Variants in OTOGL observed in about 807,000 individuals in gnomAD.
The protein encoded by OTOGL is otogelin like, also known as otogelin-like protein.
OTOGL carries 285 observed loss-of-function variants against 318.5 expected under a neutral mutation model. The ratio of observed to expected loss-of-function variants is 0.89; its 90% CI spans 0.81 to 0.99. OTOGL has a LOEUF of 0.99. Among genes scored for constraint, OTOGL ranks in the 50% least tolerant of loss-of-function variants. OTOGL has a pLI of 0.00. For missense variants in OTOGL, 2,899 were observed against 2,845.6 expected (o/e 1.02, Z -0.43); for synonymous variants, 987 against 936.5 (o/e 1.05, Z -0.99).
At chr12:80,352,585 T>C in intron 45 of OTOGL, 149 bp downstream of exon 45, 1 of 681,776 alleles carries the variant, frequency 1.5e-6, no homozygotes, top group Non-Finnish European at 2.3e-6. Context: ...GTTACATCAC[T>C]TGATTTCAGA....
At position 80,353,395 on chromosome 12, in the gene OTOGL, C is replaced by A. The variant is rs1288573890; in HGVS notation, c.5478C>A (p.Asn1826Lys). The A allele has an allele frequency of 6.2e-7, 1 of 1,602,970 alleles. No individual in the cohort carries two copies. ...VRPCEARTCL[N>K]QWFYGHTSCL... Reference sequence around the variant, plus strand: ...CTTGTGAAGCAAGAACATGCCTGAACCAATGGTTCTATGGACACACTTCCT... The same window carrying A: ...CTTGTGAAGCAAGAACATGCCTGAAACAATGGTTCTATGGACACACTTCCT... The change falls in exon 46 of 59, where the codon AAC (asparagine) becomes AAA (lysine). Residue 1826 changes from asparagine to lysine, a missense_variant. This residue lies in a region of OTOGL where 2,607 missense variants were observed against 2,524.9 expected (regional missense o/e 1.03). Coordinates refer to ENST00000547103, the MANE Select transcript of OTOGL (RefSeq NM_001378609.3).
At chr12:80,106,838 G>A (rs1869482586) in intron 1 of OTOGL, among the ~76,000 whole-genome samples, 1 of 151,766 alleles carries the variant, frequency 6.6e-6, no homozygotes, top group Non-Finnish European at 1.5e-5. Flanking sequence ...TGAAATGCAT[G>A]ACAATATTTA....
At chr12:80,124,818 C>T (rs1260010972) in intron 1 of OTOGL, among the ~76,000 whole-genome samples, 1 of 152,060 alleles carries the variant, frequency 6.6e-6, no homozygotes, top group Non-Finnish European at 1.5e-5. Context: ...TGGGAGTTCA[C>T]TCATGATTTG....
chr12:80,337,917 T>C (rs1047011764), intron 42 of OTOGL, among the ~76,000 whole-genome samples: 13 of 152,124 alleles, frequency 8.5e-5, no homozygotes, highest in African/African-American at 2.9e-4. Flanking sequence ...GAGGTTGATA[T>C]ACTTACAGGA....
Position 80,265,001 on chromosome 12 carries a change from T to G in OTOGL, c.2015T>G (p.Ile672Ser). ...AGATGCTAATTGGGCTCTTTGTTAG[T>G]TGGGTATGCAGCACACTGTGATGTC... The part of the protein sequence containing the change: ...VDPCNINQQN[I>S]GYAAHCDVIH... Residue 672 changes from isoleucine to serine, a missense_variant and splice_region_variant, in exon 20 of 59, where the codon ATT becomes AGT. By Grantham distance (142) the Ile-to-Ser change is moderately radical. This residue lies in a region of OTOGL where 2,607 missense variants were observed against 2,524.9 expected (regional missense o/e 1.03). Coordinates refer to ENST00000547103, the MANE Select transcript of OTOGL (RefSeq NM_001378609.3). 1.2e-6 allele frequency: 2 copies of G among 1,613,696 alleles called. No homozygotes were observed. The highest frequency in any genetic ancestry group is 4.5e-5 in the East Asian group (2 of 44,876).
intron 1 of OTOGL, among the ~76,000 whole-genome samples, chr12:80,124,762 T>C (rs1216722419): frequency 3.3e-5 from 5 of 151,984 alleles, no homozygotes; most frequent in Non-Finnish European, 5.9e-5. Context: ...ACATCCCTTG[T>C]AAGTTGGATT....
At chr12:80,175,270 A>C (rs776121265) in intron 1 of OTOGL, among the ~76,000 whole-genome samples, 23 of 152,340 alleles carry the variant, frequency 1.5e-4, no homozygotes, top group Admixed American at 7.8e-4. Flanking sequence ...CTATCATCAA[A>C]GAGTTCTATA....
chr12:80,259,036 T>C (rs1405333824), intron 18 of OTOGL, among the ~76,000 whole-genome samples: 1 of 152,080 alleles, frequency 6.6e-6, no homozygotes, highest in Non-Finnish European at 1.5e-5. Context: ...TTTCACAATG[T>C]ATACCTCGGA....
At chr12:80,271,593 T>C in intron 23 of OTOGL, 55 bp from the exon 24 acceptor site, 1 of 1,526,754 alleles carries the variant, frequency 6.5e-7, no homozygotes, top group African/African-American at 1.4e-5. Context: ...GGTGTTCATA[T>C]CTCCCATGCC....
At chr12:80,114,641 T>G (rs1266439267) in intron 1 of OTOGL, among the ~76,000 whole-genome samples, 1 of 152,166 alleles carries the variant, frequency 6.6e-6, no homozygotes, top group Non-Finnish European at 1.5e-5. Flanking sequence ...CTGTATTTCC[T>G]GAATTTGAGT....
Position 80,222,289 on chromosome 12 carries a change from G to T in OTOGL, c.489+44G>T, listed in dbSNP as rs1457755021. The T allele has an allele frequency of 4.1e-6, 6 of 1,465,724 alleles. No individual in the cohort carries two copies. The Admixed American group carries it at 8.6e-5, about 21-fold the overall frequency. 90.8% of individuals were successfully genotyped at this position (1,465,724 alleles called of 1,614,324 possible). ...TGATTAACTTAAAAATATTATCTCT[G>T]GAAAAGTATGTATTTTTAAAGTACT... On this transcript the variant is annotated intron_variant, in intron 7 of 58. Coordinates refer to ENST00000547103, the MANE Select transcript of OTOGL (RefSeq NM_001378609.3).
At chr12:80,216,094 C>T (rs1391588915) in intron 4 of OTOGL, among the ~76,000 whole-genome samples, 3 of 152,074 alleles carry the variant, frequency 2.0e-5, no homozygotes, top group Admixed American at 6.6e-5. Context: ...GCAGGAGGAT[C>T]ACTTTGAGTC....
chr12:80,345,154 TTA>T (rs1281153515), intron 44 of OTOGL, among the ~76,000 whole-genome samples: 2 of 136,354 alleles, frequency 1.5e-5, no homozygotes, highest in African/African-American at 2.8e-5. Context: ...ATATGTTATA[TTA>T]TATATTATGA....
chr12:80,228,364 C>T (rs1039604134), intron 7 of OTOGL, among the ~76,000 whole-genome samples: 1 of 152,040 alleles, frequency 6.6e-6, no homozygotes, highest in African/African-American at 2.4e-5. Flanking sequence ...ATCACTTGAA[C>T]CTAGGAGGCA....
rs767429570 is a variant in OTOGL at position 80,271,602 on chromosome 12, C to T, written c.2519-46C>T. ...AATTTTGGTGTTCATATCTCCCATG[C>T]CATGACAAAAAGTTAAGGACATTTT... On this transcript the variant is annotated intron_variant, in intron 23 of 58. Transcript: ENST00000547103. The T allele has an allele frequency of 3.2e-6, 5 of 1,567,044 alleles. No homozygotes were observed. In the South Asian group the frequency reaches 5.8e-5, roughly 18 times the overall value.
At chr12:80,162,669 T>C (rs1028852427) in intron 1 of OTOGL, among the ~76,000 whole-genome samples, 6 of 152,050 alleles carry the variant, frequency 3.9e-5, no homozygotes, top group South Asian at 2.1e-4. Flanking sequence ...TACATGTCTG[T>C]CTCTGTCCAA....
chr12:80,328,635 A>G (rs1221777593), intron 35 of OTOGL, 30 bp from the exon 36 acceptor site: 1 of 1,482,064 alleles, frequency 6.7e-7, no homozygotes, highest in Non-Finnish European at 9.3e-7. Flanking sequence ...ACTTTTCTTC[A>G]CTTTGATTTA....
Position 80,296,917 on chromosome 12 carries a change from G to A in OTOGL, c.3019G>A (p.Val1007Ile). Reference sequence around the variant, plus strand: ...TTGTTCTAAAAGTGTTTTGATTTCAGTTGGGGACACTGAAATTTACCTGAA... The same window carrying A: ...TTGTTCTAAAAGTGTTTTGATTTCAATTGGGGACACTGAAATTTACCTGAA... The part of the protein sequence containing the change: ...IVCSKSVLIS[V>I]GDTEIYLNDT... Residue 1007 changes from valine to isoleucine, a missense_variant, in exon 27 of 59, where the codon GTT (valine) becomes ATT (isoleucine). By Grantham distance (29) the Val-to-Ile change is conservative. Coordinates refer to ENST00000547103, the MANE Select transcript of OTOGL (RefSeq NM_001378609.3). 6.4e-7 allele frequency: 1 copy of A among 1,550,658 alleles called. No homozygotes were observed. Among genetic ancestry groups the A allele is most frequent in the Non-Finnish European group, 8.7e-7 (1 of 1,151,052 alleles).
Position 80,378,136 on chromosome 12 carries a change from A to G in OTOGL, c.*88A>G. 9.9e-7 allele frequency: 1 copy of G among 1,012,632 alleles called. No individual in the cohort carries two copies. Among genetic ancestry groups the G allele is most frequent in the Admixed American group, 2.7e-5 (1 of 37,388 alleles). The allele number at this position is 1,012,632 out of a possible 1,614,324, so 62.7% of individuals were successfully genotyped here. ...TATTACTTAGGCATGTGGCAGATTT[A>G]TGCTGTTTAACAATACTGTATTTTT... On this transcript the variant is annotated 3_prime_UTR_variant, in exon 59 of 59. Coordinates refer to ENST00000547103, the MANE Select transcript of OTOGL (RefSeq NM_001378609.3).
Sources: allele counts gnomAD v4.1 joint callset (sites outside exome capture counted in the v4.1 genomes callset), GRCh38; gene constraint gnomAD v4.1.1; regional missense constraint gnomAD v4.1.1; transcripts MANE v1.5; gene names NCBI Gene and HGNC (gene_info 2026-07-23, HGNC 2026-07-21).